ZNF729: variants seen among roughly 807,000 people sequenced by gnomAD.
ZNF729 encodes the protein zinc finger protein 729.
In ZNF729, 15 loss-of-function variants were observed where a neutral mutation model predicts 12.2. The ratio of observed to expected loss-of-function variants is 1.23; its 90% CI spans 0.82 to 1.89. The LOEUF is 1.89. ZNF729 is among the 40% of genes most tolerant of loss of function. ZNF729 has a pLI of 0.00. For synonymous variants in ZNF729, 492 were observed against 476.3 expected, an observed-to-expected ratio of 1.03 and a Z score of -0.43; for missense variants, 1,540 against 1,456.7, an observed-to-expected ratio of 1.06 and a Z score of -0.93.
chr19:22,312,796 C>A (rs1418412044), intron 3 of ZNF729, among the ~76,000 whole-genome samples: 1 of 152,126 alleles, frequency 6.6e-6, no homozygotes, highest in Non-Finnish European at 1.5e-5. Context: ...TCACCTCAAC[C>A]TCCGCCTCCC....
intron 2 of ZNF729, 53 bp downstream of exon 2, chr19:22,303,937 C>T: frequency 1.4e-6 from 2 of 1,477,824 alleles, no homozygotes; most frequent in Non-Finnish European, 1.8e-6. Flanking sequence ...GGTTTAATTT[C>T]TCTTTTCTGT....
At position 22,316,954 on chromosome 19, in the gene ZNF729, A is replaced by C; in HGVS notation, c.3537A>C (p.Lys1179Asn). 6.2e-7 allele frequency: 1 copy of C among 1,602,944 alleles called. No homozygotes were observed. The highest frequency in any genetic ancestry group is 8.5e-7 in the Non-Finnish European group (1 of 1,175,632). Residue 1179 changes from lysine (K) to asparagine (N), a missense_variant, in exon 4 of 4, where the codon AAA (lysine) becomes AAC (asparagine). Lys to Asn is a moderately conservative substitution (Grantham distance 94, BLOSUM62 0). Coordinates refer to ENST00000601693, the MANE Select transcript of ZNF729 (RefSeq NM_001242680.2). The stretch of plus-strand genomic sequence containing the variant: ...AGTCCTCACACCTTACTAGACACAA[A>C]ACAATTCATACTGGAGAGAAACCCT... ...FNQSSHLTRH[K>N]TIHTGEKPYK... is the part of the protein sequence containing the mutation.
chr19:22,286,447 C>T lies in ZNF729; in HGVS notation c.-79C>T, dbSNP rs1293603928. ...GTTGTTTCTGGTTGCAGCCGCAGTTCCCGGTCTCGCCTTCACTGCTGTGTG... is the reference window on the plus strand; with the variant it reads ...GTTGTTTCTGGTTGCAGCCGCAGTTTCCGGTCTCGCCTTCACTGCTGTGTG... On this transcript the variant is annotated 5_prime_UTR_variant, in exon 1 of 4. Coordinates refer to ENST00000601693, the MANE Select transcript of ZNF729 (RefSeq NM_001242680.2). 1.3e-6 allele frequency: 2 copies of T among 1,572,716 alleles called. No homozygotes were observed. Among genetic ancestry groups the T allele is most frequent in the South Asian group, 1.1e-5 (1 of 89,232 alleles).
Position 22,315,075 on chromosome 19 carries a change from T to A in ZNF729, c.1658T>A (p.Phe553Tyr). Residue 553 changes from phenylalanine (F) to tyrosine (Y), a missense_variant, in exon 4 of 4, where the codon TTT becomes TAT. Coordinates refer to ENST00000601693, the MANE Select transcript of ZNF729 (RefSeq NM_001242680.2). The stretch of plus-strand genomic sequence containing the variant: ...AAATGTGAAGAATGTGGTAAAGCTT[T>A]TAAGTGGTCATCAAAACTTACTGTA... ...PYKCEECGKA[F>Y]KWSSKLTVHK... 1 of 1,611,146 alleles carries A rather than the reference T, an allele frequency of 6.2e-7. No individual in the cohort carries two copies. Among genetic ancestry groups the A allele is most frequent in the Non-Finnish European group, 8.5e-7 (1 of 1,179,680 alleles).
At chr19:22,287,505 G>A (rs1022873992) in intron 1 of ZNF729, among the ~76,000 whole-genome samples, 1 of 151,940 alleles carries the variant, frequency 6.6e-6, no homozygotes, top group African/African-American at 2.4e-5. Context: ...GACCTCAGGT[G>A]ATCCGTCCTC....
At position 22,314,801 on chromosome 19, in the gene ZNF729, T is replaced by G; in HGVS notation, c.1384T>G (p.Cys462Gly). The change falls in exon 4 of 4, where the codon TGT (cysteine) becomes GGT (glycine). Residue 462 changes from cysteine (C) to glycine (G), a missense_variant. Transcript: ENST00000601693. ...TCATACTGGGGAGAAACCATACAAA[T>G]GTGAAGAATGTGGCAAAGCTTTTAG... ...IIHTGEKPYK[C>G]EECGKAFRQS... 6.2e-7 allele frequency: 1 copy of G among 1,613,442 alleles called. No homozygotes were observed. The highest frequency in any genetic ancestry group is 8.5e-7 in the Non-Finnish European group (1 of 1,179,830).
intron 1 of ZNF729, among the ~76,000 whole-genome samples, chr19:22,300,787 CAT>C (rs1968295102): frequency 6.6e-6 from 1 of 152,162 alleles, no homozygotes. Context: ...AACATATGTG[CAT>C]TGAGTAGACA....
At chr19:22,306,785 A>G (rs1383060530) in intron 3 of ZNF729, among the ~76,000 whole-genome samples, 2 of 151,460 alleles carry the variant, frequency 1.3e-5, no homozygotes, top group East Asian at 3.9e-4. Flanking sequence ...GCAGATTTAC[A>G]TTTTGTTTTT....
At chr19:22,309,689 CTT>C (rs34824453) in intron 3 of ZNF729, among the ~76,000 whole-genome samples, 3 of 140,568 alleles carry the variant, frequency 2.1e-5, no homozygotes, top group Admixed American at 7.1e-5. Flanking sequence ...GCTATGCAGG[CTT>C]TTTTTTTTTG....
chr19:22,313,484 T>G (rs1968476202), intron 3 of ZNF729, among the ~76,000 whole-genome samples, 187 bp from the exon 4 acceptor site: 1 of 152,232 alleles, frequency 6.6e-6, no homozygotes. Context: ...AACTTACATA[T>G]AAATTTTCCA....
chr19:22,286,829 G>A (rs111442423), intron 1 of ZNF729, among the ~76,000 whole-genome samples: 2 of 152,196 alleles, frequency 1.3e-5, no homozygotes, highest in African/African-American at 4.8e-5. Flanking sequence ...GCGTCTCTCC[G>A]AGATTGTGCA....
chr19:22,308,039 C>T (rs1175876798), intron 3 of ZNF729, among the ~76,000 whole-genome samples: 1 of 151,922 alleles, frequency 6.6e-6, no homozygotes, highest in African/African-American at 2.4e-5. Context: ...CCTCAAGTCC[C>T]CAAAGTCCAC....
intron 3 of ZNF729, 54 bp downstream of exon 3, chr19:22,304,837 G>A: frequency 6.5e-7 from 1 of 1,542,486 alleles, no homozygotes. Context: ...AGAGGTCAAG[G>A]AGAAAGCCAG....
chr19:22,313,046 C>A (rs562834538), intron 3 of ZNF729, among the ~76,000 whole-genome samples: 2 of 150,224 alleles, frequency 1.3e-5, no homozygotes, highest in African/African-American at 4.9e-5. Context: ...AAACAATAAA[C>A]CAGGAGTTGG....
chr19:22,298,508 A>G (rs1202316405), intron 1 of ZNF729, among the ~76,000 whole-genome samples: 1 of 152,054 alleles, frequency 6.6e-6, no homozygotes, highest in African/African-American at 2.4e-5. Context: ...ATAGGTAAGC[A>G]TAATTACAGT....
Position 22,313,847 on chromosome 19 carries a change from C to T in ZNF729, c.430C>T (p.Gln144Ter). 6.4e-7 allele frequency: 1 copy of T among 1,570,848 alleles called. No individual in the cohort carries two copies. The highest frequency in any genetic ancestry group is 8.6e-7 in the Non-Finnish European group (1 of 1,162,578). The change falls in exon 4 of 4, where the codon CAA becomes TAA. Residue 144 changes from glutamine (Q) to a stop codon, truncating the protein, a stop_gained. Transcript: ENST00000601693. LOFTEE classifies it low-confidence loss of function (END_TRUNC). ...MHKEGYNKLN[Q>*]CRTATQRKIF... ...CAAAGAAGGTTATAATAAACTTAAC[C>T]AATGCAGGACAGCTACCCAGAGAAA...
At chr19:22,313,117 C>G (rs1038511548) in intron 3 of ZNF729, among the ~76,000 whole-genome samples, 1 of 151,514 alleles carries the variant, frequency 6.6e-6, no homozygotes, top group African/African-American at 2.4e-5. Context: ...AGTGCACTAG[C>G]ATAATCTCAT....
chr19:22,286,663 G>A (rs1213312498), intron 1 of ZNF729, 108 bp downstream of exon 1: 11 of 1,396,260 alleles, frequency 7.9e-6, no homozygotes, highest in Non-Finnish European at 1.1e-5. Context: ...TCCACAATCT[G>A]CGCCTGGAGT....
chr19:22,306,436 T>C (rs1599756856), intron 3 of ZNF729, among the ~76,000 whole-genome samples: 1 of 123,318 alleles, frequency 8.1e-6, no homozygotes, highest in Non-Finnish European at 1.6e-5. Flanking sequence ...AGACTCCATC[T>C]CAAAAAAAAA....
Sources: gnomAD v4.1 joint callset for allele counts (sites outside exome capture counted in the v4.1 genomes callset) on GRCh38, gnomAD v4.1.1 for gene constraint, MANE v1.5 for transcripts, NCBI Gene and HGNC (gene_info 2026-07-23, HGNC 2026-07-21) for gene names.